The following DPP10 variants were observed in gnomAD, a reference collection of about 807,000 sequenced individuals.
DPP10 encodes the protein dipeptidyl peptidase like 10, also known as inactive dipeptidyl peptidase 10.
DPP10 carries 33 observed loss-of-function variants against 120.9 expected under a neutral mutation model. The observed-to-expected ratio is 0.27, with a 90% CI of 0.21 to 0.37. The LOEUF (loss-of-function observed/expected upper bound fraction) is 0.37. Ranked by LOEUF, DPP10 falls within the 10% of genes least tolerant of loss-of-function variation. DPP10 has a pLI of 1.00. For synonymous variants in DPP10, 337 were observed against 326.1 expected, an observed-to-expected ratio of 1.03 and a Z score of -0.36; for missense variants, 816 against 942.8, an observed-to-expected ratio of 0.87 and a Z score of 1.76.
intron 1 of DPP10, among the ~76,000 whole-genome samples, chr2:115,304,326 T>C (rs531210244): frequency 1.3e-5 from 2 of 152,126 alleles, no homozygotes; most frequent in South Asian, 4.1e-4. Flanking sequence ...AATAAGCTTT[T>C]GAGTGATTGG....
intron 1 of DPP10, among the ~76,000 whole-genome samples, chr2:114,494,411 G>A (rs1041516855): frequency 1.3e-5 from 2 of 152,156 alleles, no homozygotes; most frequent in African/African-American, 4.8e-5. Flanking sequence ...CACTTGAGCT[G>A]GATATTAAAG....
chr2:114,570,144 A>G (rs1008065574), intron 1 of DPP10, among the ~76,000 whole-genome samples: 2 of 152,192 alleles, frequency 1.3e-5, no homozygotes, highest in African/African-American at 4.8e-5. Flanking sequence ...GTCCTCCTCA[A>G]GGCCAGGTGC....
At chr2:115,354,306 T>C (rs2064224232) in intron 3 of DPP10, among the ~76,000 whole-genome samples, 1 of 152,100 alleles carries the variant, frequency 6.6e-6, no homozygotes, top group Non-Finnish European at 1.5e-5. Context: ...CAGATAGTTT[T>C]TCAAAGTTTG....
intron 7 of DPP10, among the ~76,000 whole-genome samples, chr2:115,722,190 C>A (rs915618519): frequency 6.6e-6 from 1 of 152,084 alleles, no homozygotes; most frequent in East Asian, 1.9e-4. Context: ...CAACATTATA[C>A]CTACAGTCAA....
At chr2:115,059,502 G>A (rs543241956) in intron 1 of DPP10, among the ~76,000 whole-genome samples, 1 of 151,874 alleles carries the variant, frequency 6.6e-6, no homozygotes, top group Non-Finnish European at 1.5e-5. Flanking sequence ...GTAGACACAT[G>A]GTATGCTGTT....
chr2:114,927,248 C>T (rs1297469354), intron 1 of DPP10, among the ~76,000 whole-genome samples: 2 of 152,040 alleles, frequency 1.3e-5, no homozygotes, highest in Non-Finnish European at 2.9e-5. Context: ...GAAACCAGAG[C>T]TGTCTCTTAA....
intron 1 of DPP10, among the ~76,000 whole-genome samples, chr2:114,581,023 G>A (rs1346064374): frequency 6.6e-6 from 1 of 151,898 alleles, no homozygotes; most frequent in Admixed American, 6.6e-5. Context: ...GAGAAATTTT[G>A]TGCTGTTTAG....
intron 1 of DPP10, among the ~76,000 whole-genome samples, chr2:115,248,724 C>T (rs752450768): frequency 3.3e-5 from 5 of 151,908 alleles, no homozygotes; most frequent in East Asian, 1.9e-4. Context: ...AAGCAATAGC[C>T]GACATAACTG....
chr2:114,845,793 T>C (rs1194227963), intron 1 of DPP10, among the ~76,000 whole-genome samples: 2 of 152,156 alleles, frequency 1.3e-5, no homozygotes, highest in Admixed American at 6.5e-5. Flanking sequence ...TCAGGAAACA[T>C]GTTTCCTTTC....
intron 1 of DPP10, among the ~76,000 whole-genome samples, chr2:114,619,158 G>A (rs188316858): frequency 6.6e-6 from 1 of 152,156 alleles, no homozygotes; most frequent in East Asian, 1.9e-4. Flanking sequence ...ATTGGGAACA[G>A]TATGGATTAT....
chr2:114,880,840 G>A lies in DPP10; in HGVS notation c.61-428399G>A, dbSNP rs77670727. On this transcript the variant is annotated intron_variant, in intron 1 of 25. Transcript: ENST00000410059. The stretch of plus-strand genomic sequence containing the variant: ...TCAATTTCAAAACCCAGTGCGATGC[G>A]GATGTGGTGGAATTGTATGCATTCG... Among the ~76,000 whole-genome samples, 116 of 152,240 alleles carry A rather than the reference G, an allele frequency of 7.6e-4. 1 individual carries two copies. In the East Asian group the frequency reaches 0.022, roughly 29 times the overall value.
chr2:115,601,826 A>G (rs1446676567), intron 5 of DPP10, among the ~76,000 whole-genome samples: 2 of 145,696 alleles, frequency 1.4e-5, no homozygotes, highest in East Asian at 4.1e-4. Flanking sequence ...GGTACGCACA[A>G]CCATGCCTGG....
intron 1 of DPP10, among the ~76,000 whole-genome samples, chr2:114,586,312 A>G (rs1461023237): frequency 6.6e-6 from 1 of 152,196 alleles, no homozygotes; most frequent in Non-Finnish European, 1.5e-5. Context: ...TTAACTTGCT[A>G]TAAGCTCTTG....
intron 5 of DPP10, among the ~76,000 whole-genome samples, chr2:115,628,980 G>A (rs1343111667): frequency 1.3e-5 from 2 of 151,712 alleles, no homozygotes; most frequent in East Asian, 1.9e-4. Flanking sequence ...CCTACCCCAC[G>A]ACAGGCCCCA....
chr2:114,704,038 C>T (rs956632897), intron 1 of DPP10, among the ~76,000 whole-genome samples: 3 of 152,048 alleles, frequency 2.0e-5, no homozygotes, highest in Non-Finnish European at 4.4e-5. Context: ...TCATTTAGCT[C>T]CCTTTATGTG....
At chr2:115,174,382 T>C (rs1057157734) in intron 1 of DPP10, among the ~76,000 whole-genome samples, 4 of 152,178 alleles carry the variant, frequency 2.6e-5, no homozygotes, top group African/African-American at 9.6e-5. Context: ...GTTCAAACAG[T>C]ATTTGAGGAA....
At chr2:115,204,658 A>C (rs1385745386) in intron 1 of DPP10, among the ~76,000 whole-genome samples, 1 of 152,128 alleles carries the variant, frequency 6.6e-6, no homozygotes, top group Non-Finnish European at 1.5e-5. Flanking sequence ...CAAAAAACCA[A>C]ACTCACTAAA....
rs79511302 is a variant in DPP10 at position 114,769,802 on chromosome 2, G to T, written c.60+326964G>T. On this transcript the variant is annotated intron_variant, in intron 1 of 25. Transcript: ENST00000410059. Reference sequence around the variant, plus strand: ...ATACACACATACACAGGGAGTTAAGGTGACATACAAATGTCTTTTTATCTT... The same window carrying T: ...ATACACACATACACAGGGAGTTAAGTTGACATACAAATGTCTTTTTATCTT... Among the ~76,000 whole-genome samples, 1,142 of 152,200 alleles carry T rather than the reference G, an allele frequency of 7.5e-3. 24 individuals are homozygous for T. The highest frequency in any genetic ancestry group is 0.026 in the African/African-American group (1,067 of 41,528).
chr2:115,258,527 A>C (rs2059109152), intron 1 of DPP10, among the ~76,000 whole-genome samples: 1 of 152,212 alleles, frequency 6.6e-6, no homozygotes, highest in Non-Finnish European at 1.5e-5. Context: ...ATTATAATTA[A>C]ATTGAAAATC....
Sources: allele counts gnomAD v4.1 joint callset (sites outside exome capture counted in the v4.1 genomes callset), GRCh38; gene constraint gnomAD v4.1.1; transcripts MANE v1.5; gene names NCBI Gene and HGNC (gene_info 2026-07-23, HGNC 2026-07-21).